Variants in PRKCA observed in about 807,000 individuals in gnomAD.
PRKCA encodes protein kinase C alpha type.
Under a neutral mutation model 87.0 loss-of-function variants are expected in PRKCA, and 27 were observed. That is an observed-to-expected ratio of 0.31 (90% CI 0.23 to 0.43). The LOEUF (loss-of-function observed/expected upper bound fraction) is 0.43. Among genes scored for constraint, PRKCA ranks in the 20% least tolerant of loss-of-function variants. The pLI is 1.00. For missense variants in PRKCA, 518 were observed against 852.3 expected, an observed-to-expected ratio of 0.61 and a Z score of 4.88; for synonymous variants, 329 against 311.1, an observed-to-expected ratio of 1.06 and a Z score of -0.61.
At chr17:66,750,990 G>A (rs1344685405) in intron 13 of PRKCA, among the ~76,000 whole-genome samples, 1 of 152,160 alleles carries the variant, frequency 6.6e-6, no homozygotes, top group African/African-American at 2.4e-5. Flanking sequence ...GCCTGTTATT[G>A]GCTTTCAGAG....
intron 3 of PRKCA, among the ~76,000 whole-genome samples, chr17:66,608,998 G>T (rs1272469230): frequency 6.6e-6 from 1 of 152,192 alleles, no homozygotes; most frequent in East Asian, 1.9e-4. Context: ...AGGCGAACGA[G>T]GCCATGCAGT....
At chr17:66,757,721 T>TC (rs1974584984) in intron 13 of PRKCA, among the ~76,000 whole-genome samples, 3 of 152,178 alleles carry the variant, frequency 2.0e-5, no homozygotes, top group Admixed American at 2.0e-4. Flanking sequence ...AAAGAATTTT[T>TC]TTTGTTTTTT....
intron 3 of PRKCA, among the ~76,000 whole-genome samples, chr17:66,580,268 C>T (rs1567911635): frequency 1.3e-5 from 2 of 152,190 alleles, no homozygotes; most frequent in South Asian, 4.1e-4. Flanking sequence ...ACCAGCATTA[C>T]TCCCCTAGCT....
chr17:66,716,834 A>T (rs1973488438), intron 8 of PRKCA, among the ~76,000 whole-genome samples: 1 of 152,222 alleles, frequency 6.6e-6, no homozygotes, highest in Admixed American at 6.5e-5. Flanking sequence ...TGCCATGACA[A>T]CGGAGGCCCT....
intron 14 of PRKCA, among the ~76,000 whole-genome samples, chr17:66,781,889 T>A (rs4074839): frequency 4.8e-4 from 47 of 97,736 alleles, no homozygotes; most frequent in South Asian, 9.3e-4. Context: ...ATATATATAG[T>A]GTGTGTGTGT....
chr17:66,766,445 T>C (rs1251748029), intron 13 of PRKCA, among the ~76,000 whole-genome samples: 2 of 152,056 alleles, frequency 1.3e-5, no homozygotes, highest in Non-Finnish European at 2.9e-5. Flanking sequence ...CAGATATTTG[T>C]AGAATATAGG....
chr17:66,702,467 T>C (rs916947828), intron 8 of PRKCA, among the ~76,000 whole-genome samples: 2 of 152,154 alleles, frequency 1.3e-5, no homozygotes, highest in African/African-American at 4.8e-5. Flanking sequence ...ATACAAACTT[T>C]CAGCTTTAAG....
intron 13 of PRKCA, among the ~76,000 whole-genome samples, chr17:66,744,948 T>C (rs901782863): frequency 6.6e-5 from 10 of 152,338 alleles, no homozygotes; most frequent in African/African-American, 2.4e-4. Context: ...CTCTCTGTCT[T>C]TTCCAACTAC....
At chr17:66,729,763 T>C (rs1023050506) in intron 8 of PRKCA, among the ~76,000 whole-genome samples, 5 of 151,196 alleles carry the variant, frequency 3.3e-5, no homozygotes, top group Admixed American at 2.6e-4. Flanking sequence ...ACTTGATCCC[T>C]GTATGAGCGA....
chr17:66,362,521 C>T (rs1318152628), intron 2 of PRKCA, among the ~76,000 whole-genome samples: 1 of 152,168 alleles, frequency 6.6e-6, no homozygotes, highest in Non-Finnish European at 1.5e-5. Flanking sequence ...TGGATGCCTT[C>T]ACTGGATCCT....
chr17:66,614,091 G>C (rs1408506676), intron 3 of PRKCA, among the ~76,000 whole-genome samples: 1 of 151,998 alleles, frequency 6.6e-6, no homozygotes, highest in Non-Finnish European at 1.5e-5. Flanking sequence ...ATGCCCAGCT[G>C]ACCTCATCTT....
intron 2 of PRKCA, among the ~76,000 whole-genome samples, chr17:66,340,366 CTTT>C (rs60167119): frequency 8.1e-6 from 1 of 124,190 alleles, no homozygotes. Flanking sequence ...TGTTTGGTTT[CTTT>C]TTTTTTTTTT....
At chr17:66,472,123 C>G (rs1915352016) in intron 2 of PRKCA, among the ~76,000 whole-genome samples, 1 of 152,120 alleles carries the variant, frequency 6.6e-6, no homozygotes, top group Non-Finnish European at 1.5e-5. Context: ...ACCACTGCAC[C>G]TGGCTAATTT....
chr17:66,657,861 CA>C (rs923068427), intron 5 of PRKCA, among the ~76,000 whole-genome samples: 1 of 151,830 alleles, frequency 6.6e-6, no homozygotes, highest in Admixed American at 6.5e-5. Context: ...ATTTGAAAAA[CA>C]AAAAAATCCC....
rs1197276335 is a variant in PRKCA at position 66,441,864 on chromosome 17, G to C, written c.206-54337G>C. 2.0e-5 allele frequency among the ~76,000 whole-genome samples: 3 copies of C among 152,016 alleles called. No homozygotes were observed. The East Asian group carries it at 5.8e-4, about 29-fold the overall frequency. On this transcript the variant is annotated intron_variant, in intron 2 of 16. Coordinates refer to ENST00000413366, the MANE Select transcript of PRKCA (RefSeq NM_002737.3). ...AATAGATGCTAATGGTGTCCTCTCT[G>C]GGTGATGGTCCCAGAGATGTTTATA... is the stretch of plus-strand genomic sequence containing the variant.
intron 2 of PRKCA, among the ~76,000 whole-genome samples, chr17:66,471,212 G>A (rs1232033883): frequency 6.6e-6 from 1 of 152,114 alleles, no homozygotes; most frequent in African/African-American, 2.4e-5. Flanking sequence ...TTTATTTTAT[G>A]TTGGTGGCAT....
At chr17:66,453,489 T>C (rs1399316976) in intron 2 of PRKCA, among the ~76,000 whole-genome samples, 1 of 151,978 alleles carries the variant, frequency 6.6e-6, no homozygotes, top group Non-Finnish European at 1.5e-5. Flanking sequence ...AGCTAATTTT[T>C]TGTGTTTTCA....
At chr17:66,460,763 A>G (rs796818848) in intron 2 of PRKCA, among the ~76,000 whole-genome samples, 14 of 152,290 alleles carry the variant, frequency 9.2e-5, no homozygotes, top group Admixed American at 3.3e-4. Flanking sequence ...GACAGGCAGG[A>G]AACGGTAAGG....
intron 10 of PRKCA, among the ~76,000 whole-genome samples, chr17:66,737,660 C>T (rs950065301): frequency 2.6e-4 from 39 of 152,206 alleles, no homozygotes; most frequent in Admixed American, 2.4e-3. Context: ...CGGAGTCAGG[C>T]GCCGGCCACT....
Sources: allele counts gnomAD v4.1 joint callset (sites outside exome capture counted in the v4.1 genomes callset), GRCh38; gene constraint gnomAD v4.1.1; transcripts MANE v1.5; gene names NCBI Gene and HGNC (gene_info 2026-07-23, HGNC 2026-07-21).